Variants in EDEM3 observed in about 807,000 individuals in gnomAD.
EDEM3 encodes ER degradation-enhancing alpha-mannosidase-like protein 3.
In EDEM3, 60 loss-of-function variants were observed where a neutral mutation model predicts 110.2. The ratio of observed to expected loss-of-function variants is 0.54; its 90% CI spans 0.44 to 0.67. The LOEUF is 0.67. Among genes scored for constraint, EDEM3 ranks in the 30% least tolerant of loss-of-function variants. The pLI, the probability that EDEM3 is intolerant of heterozygous loss-of-function variation, is 0.00. For synonymous variants in EDEM3, 352 were observed against 382.9 expected (o/e 0.92, Z 0.94); for missense variants, 996 against 1,121.0 (o/e 0.89, Z 1.59).
At position 184,712,568 on chromosome 1, in the gene EDEM3, A is replaced by C; in HGVS notation, c.1401T>G (p.Phe467Leu). The C allele has an allele frequency of 6.4e-7, 1 of 1,559,430 alleles. No homozygotes were observed. Among genetic ancestry groups the C allele is most frequent in the Non-Finnish European group, 8.7e-7 (1 of 1,149,000 alleles). ...RMDSFFLAEM[F>L]KYLYLLFADK... ...CAGCAAATAACAGGTAAAGATATTT[A>C]AACATTTCAGCCAAGAAGAAAGAAT... Residue 467 changes from phenylalanine (F) to leucine (L), a missense_variant, in exon 14 of 20, where the codon TTT becomes TTG. Phe to Leu is a conservative substitution (Grantham distance 22, BLOSUM62 0). This residue lies in a region of EDEM3 where 310 missense variants were observed against 394.6 expected (regional missense o/e 0.79). Transcript: ENST00000318130.
intron 1 of EDEM3, among the ~76,000 whole-genome samples, chr1:184,752,895 A>G (rs1271659896): frequency 6.6e-6 from 1 of 152,220 alleles, no homozygotes; most frequent in African/African-American, 2.4e-5. Context: ...ATTGGGAAAT[A>G]GGAAGGAGTA....
At chr1:184,749,614 T>G (rs776631425) in intron 1 of EDEM3, 22 bp from the exon 2 acceptor site, 3 of 1,203,528 alleles carry the variant, frequency 2.5e-6, no homozygotes, top group African/African-American at 2.2e-5. Context: ...AGAGCAGAAA[T>G]GGAAAAAAAA....
chr1:184,726,283 C>T lies in EDEM3; in HGVS notation c.719G>A (p.Ser240Asn). 1 of 1,613,826 alleles carries T rather than the reference C, an allele frequency of 6.2e-7. No individual in the cohort carries two copies. Among genetic ancestry groups the T allele is most frequent in the Non-Finnish European group, 8.5e-7 (1 of 1,179,830 alleles). The stretch of plus-strand genomic sequence containing the variant: ...AAATATTGTTGCTCCTGTGAATCGA[C>T]TTAAAGCAGCAAATTCAAGGATCAA... ...GTLILEFAAL[S>N]RFTGATIFEE... The change falls in exon 7 of 20, where the codon AGT becomes AAT. Residue 240 changes from serine (S) to asparagine (N), a missense_variant. Coordinates refer to ENST00000318130, the MANE Select transcript of EDEM3 (RefSeq NM_025191.4).
chr1:184,702,579 T>C (rs756046560), intron 19 of EDEM3, among the ~76,000 whole-genome samples: 6 of 152,152 alleles, frequency 3.9e-5, no homozygotes, highest in African/African-American at 1.4e-4. Flanking sequence ...AAATTACAAA[T>C]CACACATAAA....
intron 5 of EDEM3, among the ~76,000 whole-genome samples, chr1:184,733,475 A>G (rs940502003): frequency 1.3e-5 from 2 of 152,242 alleles, no homozygotes; most frequent in Non-Finnish European, 2.9e-5. Context: ...ACATTTAATC[A>G]AAACTATAAA....
At chr1:184,702,709 C>A in intron 19 of EDEM3, 102 bp downstream of exon 19, 1 of 831,812 alleles carries the variant, frequency 1.2e-6, no homozygotes, top group Non-Finnish European at 1.7e-6. Context: ...CTTGTTTTCA[C>A]AGTGAACCCC....
chr1:184,753,407 CTTT>C (rs35445359), intron 1 of EDEM3, among the ~76,000 whole-genome samples: 3 of 138,324 alleles, frequency 2.2e-5, no homozygotes, highest in Non-Finnish European at 3.1e-5. Context: ...TCAAAATGCA[CTTT>C]TTTTTTTTTT....
At chr1:184,744,546 G>C (rs1002892797) in intron 2 of EDEM3, among the ~76,000 whole-genome samples, 2 of 151,792 alleles carry the variant, frequency 1.3e-5, no homozygotes, top group African/African-American at 4.8e-5. Flanking sequence ...ATATGACCTA[G>C]TAATCCTATT....
intron 19 of EDEM3, among the ~76,000 whole-genome samples, chr1:184,697,645 C>T (rs1649399336): frequency 6.6e-6 from 1 of 151,644 alleles, no homozygotes; most frequent in Non-Finnish European, 1.5e-5. Context: ...TAGTAACTGA[C>T]AACTCAATTG....
chr1:184,749,808 A>C (rs1191387684), intron 1 of EDEM3, among the ~76,000 whole-genome samples: 1 of 152,196 alleles, frequency 6.6e-6, no homozygotes, highest in African/African-American at 2.4e-5. Context: ...CCAAACTTTA[A>C]TGATTACTAG....
intron 17 of EDEM3, among the ~76,000 whole-genome samples, 181 bp from the exon 18 acceptor site, chr1:184,706,989 C>T (rs1649967075): frequency 6.6e-6 from 1 of 152,072 alleles, no homozygotes; most frequent in Non-Finnish European, 1.5e-5. Context: ...AGTACTCAAC[C>T]AATATTTCTA....
Position 184,709,459 on chromosome 1 carries a change from T to C in EDEM3, c.1845+935A>G, listed in dbSNP as rs188702964. 3.9e-5 allele frequency among the ~76,000 whole-genome samples: 6 copies of C among 152,294 alleles called. No homozygotes were observed. In the East Asian group the frequency reaches 1.2e-3, roughly 29 times the overall value. ...ATTGAGTGGTTGTGCCAAGGAGAGCTACAAAGCAATAAACAGTGAAGTAGA... is the reference window on the plus strand; with the variant it reads ...ATTGAGTGGTTGTGCCAAGGAGAGCCACAAAGCAATAAACAGTGAAGTAGA... On this transcript the variant is annotated intron_variant, in intron 16 of 19. Transcript: ENST00000318130.
In EDEM3 at chr1:184,710,458, T is replaced by C; in HGVS notation, c.1781A>G (p.Lys594Arg). The C allele has an allele frequency of 1.2e-6, 2 of 1,613,994 alleles. No individual in the cohort carries two copies. Among genetic ancestry groups the C allele is most frequent in the Non-Finnish European group, 8.5e-7 (1 of 1,179,894 alleles). ...TNPEHLEILK[K>R]MGVSLIHLKD... ...GAGGTGAATCAAACTCACCCCCATCTTCTTCAGGATTTCTAAATGCTCAGG... is the reference window on the plus strand; with the variant it reads ...GAGGTGAATCAAACTCACCCCCATCCTCTTCAGGATTTCTAAATGCTCAGG... The change falls in exon 16 of 20, where the codon AAG becomes AGG. Residue 594 changes from lysine (K) to arginine (R), a missense_variant. Physicochemically the swap from Lys to Arg is conservative, Grantham distance 26 (BLOSUM62 2). This residue lies in a region of EDEM3 where 345 missense variants were observed against 402.0 expected (regional missense o/e 0.86). Coordinates refer to ENST00000318130, the MANE Select transcript of EDEM3 (RefSeq NM_025191.4).
At chr1:184,730,267 G>C (rs1651433172) in intron 6 of EDEM3, among the ~76,000 whole-genome samples, 1 of 152,088 alleles carries the variant, frequency 6.6e-6, no homozygotes, top group Admixed American at 6.6e-5. Context: ...AACTAAAAAT[G>C]TATAAAAAGA....
chr1:184,721,460 C>T, intron 8 of EDEM3, 74 bp from the exon 9 acceptor site: 2 of 1,049,758 alleles, frequency 1.9e-6, no homozygotes, highest in Non-Finnish European at 2.8e-6. Context: ...AATAGCACTC[C>T]TTAGATTAGC....
At chr1:184,716,328 T>A (rs895500450) in intron 13 of EDEM3, among the ~76,000 whole-genome samples, 1 of 152,180 alleles carries the variant, frequency 6.6e-6, no homozygotes, top group Non-Finnish European at 1.5e-5. Flanking sequence ...AGATAAGTGA[T>A]CTTAGAATAA....
chr1:184,751,203 T>C (rs1652746827), intron 1 of EDEM3, among the ~76,000 whole-genome samples: 1 of 149,708 alleles, frequency 6.7e-6, no homozygotes, highest in East Asian at 2.0e-4. Flanking sequence ...ATTTGTGGTT[T>C]ACAGCTCTAG....
intron 2 of EDEM3, among the ~76,000 whole-genome samples, chr1:184,745,835 T>C (rs1287191574): frequency 1.3e-5 from 2 of 152,174 alleles, no homozygotes; most frequent in African/African-American, 4.8e-5. Context: ...TTTTTGCTTG[T>C]AACAGTTTGA....
intron 12 of EDEM3, among the ~76,000 whole-genome samples, 177 bp from the exon 13 acceptor site, chr1:184,717,189 C>A (rs943265706): frequency 5.3e-5 from 8 of 151,940 alleles, no homozygotes; most frequent in African/African-American, 1.9e-4. Context: ...TACAGAATTT[C>A]TTAAATACAC....
Sources: gnomAD v4.1 joint callset for allele counts (sites outside exome capture counted in the v4.1 genomes callset) on GRCh38, gnomAD v4.1.1 for gene constraint, gnomAD v4.1.1 regional missense constraint, MANE v1.5 for transcripts, NCBI Gene and HGNC (gene_info 2026-07-23, HGNC 2026-07-21) for gene names.